Variants in NMU observed in about 807,000 individuals in gnomAD.
NMU encodes the protein neuromedin U.
Under a neutral mutation model 35.4 loss-of-function variants are expected in NMU, and 29 were observed. That is an observed-to-expected ratio of 0.82 (90% CI 0.61 to 1.12). NMU has a LOEUF of 1.12. Ranked by LOEUF, NMU falls within the 50% of genes most tolerant of loss-of-function variation. NMU has a pLI of 0.00. For synonymous variants in NMU, 78 were observed against 81.3 expected (o/e 0.96, Z 0.22); for missense variants, 199 against 206.2 (o/e 0.97, Z 0.21).
chr4:55,631,588 A>C (rs1734757137), intron 1 of NMU, among the ~76,000 whole-genome samples: 1 of 152,232 alleles, frequency 6.6e-6, no homozygotes, highest in South Asian at 2.1e-4. Flanking sequence ...ACTAATCATC[A>C]GGGAAATGCA....
At chr4:55,614,953 A>G (rs1198539350) in intron 3 of NMU, among the ~76,000 whole-genome samples, 1 of 152,226 alleles carries the variant, frequency 6.6e-6, no homozygotes, top group East Asian at 1.9e-4. Context: ...AATTTCCAGC[A>G]GGTACCTACG....
intron 7 of NMU, 128 bp downstream of exon 7, chr4:55,605,147 G>T: frequency 1.3e-6 from 1 of 753,556 alleles, no homozygotes; most frequent in Non-Finnish European, 2.4e-6. Context: ...CTCTTACATT[G>T]GCTAACTGGG....
At chr4:55,615,525 C>G (rs887491846) in intron 3 of NMU, among the ~76,000 whole-genome samples, 1 of 152,204 alleles carries the variant, frequency 6.6e-6, no homozygotes, top group African/African-American at 2.4e-5. Context: ...ATGCTTTGAC[C>G]TCCAAAAGTC....
chr4:55,605,413 G>A lies in NMU; in HGVS notation c.361-64C>T. 3.4e-6 allele frequency: 4 copies of A among 1,173,950 alleles called. No individual in the cohort carries two copies. The South Asian group carries it at 4.9e-5, about 14-fold the overall frequency. 72.7% of individuals were successfully genotyped at this position (1,173,950 alleles called of 1,614,324 possible). A position where few individuals can be genotyped will look rare whatever the true frequency, so the allele number is the denominator to read the frequency against. On this transcript the variant is annotated intron_variant, in intron 6 of 9. Transcript: ENST00000264218. ...CTTCTCAGCAGTGGCCATCAAGACG[G>A]TTTCCTATTTGTTTTTGTTTTTACC...
intron 2 of NMU, 103 bp from the exon 3 acceptor site, chr4:55,616,488 C>A: frequency 1.1e-6 from 1 of 884,330 alleles, no homozygotes; most frequent in East Asian, 2.6e-5. Context: ...AACCACAGTT[C>A]CATGATAGTT....
At chr4:55,608,173 T>TCA (rs1553910241) in intron 4 of NMU, among the ~76,000 whole-genome samples, 4 of 6,394 alleles carry the variant, frequency 6.3e-4, no homozygotes, top group African/African-American at 1.0e-3. Flanking sequence ...AGACTCCATC[T>TCA]CAAAAAAAAA....
At chr4:55,636,306 C>A, upstream of NMU, 1 of 1,335,978 alleles carries the variant, frequency 7.5e-7, no homozygotes, top group Non-Finnish European at 9.6e-7. The surrounding 1 kb of genome is among the most constrained non-coding windows in gnomAD (Gnocchi z 4.0). Context: ...ACTGAGCGCC[C>A]GGCGAGCCGC....
In NMU at chr4:55,607,328, C is replaced by A; in HGVS notation, c.330G>T (p.Lys110Asn). Reference sequence around the variant, plus strand: ...CATTTGACTTGCCCAACTTCTGTGTCTTCGAATAATGAAATAAGAACTGTT... The same window carrying A: ...CATTTGACTTGCCCAACTTCTGTGTATTCGAATAATGAAATAAGAACTGTT... ...NTKRFLFHYSKTQKLGKSNVV... is the reference protein window; with the variant it reads ...NTKRFLFHYSNTQKLGKSNVV... Residue 110 changes from lysine (K) to asparagine (N), a missense_variant, in exon 6 of 10, where the codon AAG (lysine) becomes AAT (asparagine). Physicochemically the swap from Lys to Asn is moderately conservative, Grantham distance 94 (BLOSUM62 0). Coordinates refer to ENST00000264218, the MANE Select transcript of NMU (RefSeq NM_006681.4). 1 of 1,607,916 alleles carries A rather than the reference C, an allele frequency of 6.2e-7. No homozygotes were observed.
intron 4 of NMU, among the ~76,000 whole-genome samples, chr4:55,608,479 G>T (rs1733794838): frequency 6.6e-6 from 1 of 152,100 alleles, no homozygotes; most frequent in African/African-American, 2.4e-5. Flanking sequence ...AATCACCACA[G>T]ATTAAGTTAG....
At chr4:55,597,470 G>A (rs1263750614) in intron 9 of NMU, among the ~76,000 whole-genome samples, 4 of 152,000 alleles carry the variant, frequency 2.6e-5, no homozygotes, top group Admixed American at 6.6e-5. Context: ...CTGGGTTCAG[G>A]TGATTCTCCT....
intron 4 of NMU, 54 bp from the exon 5 acceptor site, chr4:55,607,520 T>C (rs1193365881): frequency 1.6e-6 from 1 of 618,110 alleles, no homozygotes; most frequent in Non-Finnish European, 2.8e-6. Flanking sequence ...TTTTACTATC[T>C]TATATACAGT....
intron 3 of NMU, among the ~76,000 whole-genome samples, chr4:55,615,780 C>T (rs1279543639): frequency 6.6e-6 from 1 of 152,152 alleles, no homozygotes; most frequent in Non-Finnish European, 1.5e-5. Flanking sequence ...CCTCTCCCTC[C>T]TCCCACCTCC....
chr4:55,603,911 C>CAAA lies in NMU; in HGVS notation c.435+1361_435+1363dup, dbSNP rs746222578. On this transcript the variant is annotated intron_variant, in intron 7 of 9. Coordinates refer to ENST00000264218, the MANE Select transcript of NMU (RefSeq NM_006681.4). ...TGGGCGACAGAGCAAGAGTCCGTCT[C>CAAA]AAAAAAAAAAAAAAAATATATATAT... Among the ~76,000 whole-genome samples, 24 of 50,362 alleles carry CAAA rather than the reference C, an allele frequency of 4.8e-4. 1 individual carries two copies. Among genetic ancestry groups the CAAA allele is most frequent in the African/African-American group, 2.5e-3 (21 of 8,390 alleles). The allele number at this position is 50,362 out of a possible 152,430, so 33.0% of individuals were successfully genotyped here.
intron 3 of NMU, among the ~76,000 whole-genome samples, 167 bp from the exon 4 acceptor site, chr4:55,609,346 A>G (rs1416865533): frequency 6.6e-6 from 1 of 151,898 alleles, no homozygotes; most frequent in East Asian, 1.9e-4. Flanking sequence ...TCTCACAACA[A>G]AAACTTGGCT....
chr4:55,625,309 A>G (rs569154536), intron 2 of NMU, among the ~76,000 whole-genome samples: 5 of 151,366 alleles, frequency 3.3e-5, no homozygotes, highest in Non-Finnish European at 5.9e-5. Flanking sequence ...TTCCAGCATT[A>G]TCATCTAAAG....
At chr4:55,619,848 TCCCTGAC>T (rs1354975475) in intron 2 of NMU, among the ~76,000 whole-genome samples, 1 of 136,626 alleles carries the variant, frequency 7.3e-6, no homozygotes. Context: ...CTCAAGTGGG[TCCCTGAC>T]CCCTGACCCC....
intron 2 of NMU, among the ~76,000 whole-genome samples, chr4:55,616,680 A>G (rs763890483): frequency 2.6e-5 from 4 of 152,228 alleles, no homozygotes; most frequent in South Asian, 2.1e-4. Flanking sequence ...CTTTTCACGT[A>G]TTATTTAGCC....
At chr4:55,618,205 ATTTAT>A (rs1315722316) in intron 2 of NMU, among the ~76,000 whole-genome samples, 4 of 152,088 alleles carry the variant, frequency 2.6e-5, no homozygotes, top group Non-Finnish European at 5.9e-5. Flanking sequence ...ATTATTATTT[ATTTAT>A]TTTAATTTTA....
At chr4:55,602,219 A>T (rs1733457545) in intron 7 of NMU, among the ~76,000 whole-genome samples, 1 of 152,220 alleles carries the variant, frequency 6.6e-6, no homozygotes, top group Non-Finnish European at 1.5e-5. Context: ...ATATTGAAAG[A>T]TGTCTAGCAA....
Sources: gnomAD v4.1 joint callset for allele counts (sites outside exome capture counted in the v4.1 genomes callset) on GRCh38, gnomAD v4.1.1 for gene constraint, Gnocchi (gnomAD v3.1) non-coding constraint, MANE v1.5 for transcripts, NCBI Gene and HGNC (gene_info 2026-07-23, HGNC 2026-07-21) for gene names.